Variants in AP3B1 observed in about 807,000 individuals in gnomAD.
AP3B1 encodes the protein AP-3 complex subunit beta-1.
AP3B1 carries 61 observed loss-of-function variants against 132.5 expected under a neutral mutation model. The ratio of observed to expected loss-of-function variants is 0.46; its 90% CI spans 0.37 to 0.57. The LOEUF (loss-of-function observed/expected upper bound fraction) is 0.57. Among genes scored for constraint, AP3B1 ranks in the 20% least tolerant of loss-of-function variants. The pLI is 0.00. For synonymous variants in AP3B1, 388 were observed against 438.3 expected, an observed-to-expected ratio of 0.89 and a Z score of 1.43; for missense variants, 1,120 against 1,289.4, an observed-to-expected ratio of 0.87 and a Z score of 2.01.
intron 3 of AP3B1, among the ~76,000 whole-genome samples, chr5:78,233,654 A>G (rs895911612): frequency 1.2e-4 from 18 of 152,242 alleles, no homozygotes; most frequent in African/African-American, 4.1e-4. Context: ...TCAATCTGCT[A>G]TAACTTTCCA....
chr5:78,137,311 T>C (rs1259361988), intron 15 of AP3B1, among the ~76,000 whole-genome samples: 1 of 152,116 alleles, frequency 6.6e-6, no homozygotes, highest in Non-Finnish European at 1.5e-5. Context: ...CCTAGCTGTG[T>C]TTCTCTGAAT....
chr5:78,219,859 A>G (rs1240201772), intron 6 of AP3B1, among the ~76,000 whole-genome samples: 1 of 152,172 alleles, frequency 6.6e-6, no homozygotes. Context: ...TAATAGATCA[A>G]CATCTTTCAA....
intron 11 of AP3B1, among the ~76,000 whole-genome samples, chr5:78,169,747 TTA>T (rs1199895153): frequency 2.0e-5 from 3 of 151,512 alleles, no homozygotes; most frequent in Non-Finnish European, 4.4e-5. Context: ...ATTTATTTAT[TTA>T]TTTATTTATT....
At chr5:78,237,013 A>G (rs1423659635) in intron 3 of AP3B1, among the ~76,000 whole-genome samples, 1 of 152,244 alleles carries the variant, frequency 6.6e-6, no homozygotes, top group African/African-American at 2.4e-5. Flanking sequence ...AGAAATCTAC[A>G]AAGAAAGTAT....
intron 7 of AP3B1, among the ~76,000 whole-genome samples, chr5:78,215,035 TCAA>T (rs929551601): frequency 2.0e-5 from 3 of 152,106 alleles, no homozygotes; most frequent in African/African-American, 7.2e-5. Flanking sequence ...AAAATAGTGA[TCAA>T]CATTTTATAA....
intron 1 of AP3B1, among the ~76,000 whole-genome samples, chr5:78,281,459 A>G (rs1749054052): frequency 6.8e-6 from 1 of 146,572 alleles, no homozygotes; most frequent in South Asian, 2.2e-4. Context: ...AAAAAAAAAC[A>G]GTTCTCATCT....
At chr5:78,128,427 T>C (rs1752555277) in intron 16 of AP3B1, among the ~76,000 whole-genome samples, 1 of 152,118 alleles carries the variant, frequency 6.6e-6, no homozygotes. Context: ...TACTTTACTG[T>C]GAATATTAAG....
chr5:78,171,361 C>T (rs1743907292), intron 11 of AP3B1, among the ~76,000 whole-genome samples: 1 of 152,150 alleles, frequency 6.6e-6, no homozygotes, highest in African/African-American at 2.4e-5. Flanking sequence ...TCTTCCTATC[C>T]ATGAGCGTGA....
chr5:78,199,095 TCCC>T (rs940645507), intron 7 of AP3B1, among the ~76,000 whole-genome samples: 20 of 152,196 alleles, frequency 1.3e-4, no homozygotes, highest in African/African-American at 4.6e-4. Context: ...ACACTGAATC[TCCC>T]CCAATACATC....
chr5:78,048,521 G>T (rs972941419), intron 22 of AP3B1, among the ~76,000 whole-genome samples: 1 of 152,016 alleles, frequency 6.6e-6, no homozygotes, highest in East Asian at 1.9e-4. Flanking sequence ...TAGGATTTTT[G>T]GATTTGGTAC....
chr5:78,239,860 G>C (rs929612134), intron 3 of AP3B1, among the ~76,000 whole-genome samples: 1 of 151,024 alleles, frequency 6.6e-6, no homozygotes, highest in Non-Finnish European at 1.5e-5. Context: ...ATCACATTTA[G>C]TTAAGTAATA....
chr5:78,092,870 G>A (rs1405810565), intron 21 of AP3B1, among the ~76,000 whole-genome samples: 3 of 151,922 alleles, frequency 2.0e-5, no homozygotes, highest in African/African-American at 4.8e-5. Flanking sequence ...GGCTGGTCTC[G>A]AACTCCCAAC....
At chr5:78,019,854 T>C (rs1406058720) in intron 25 of AP3B1, among the ~76,000 whole-genome samples, 2 of 152,216 alleles carry the variant, frequency 1.3e-5, no homozygotes, top group South Asian at 2.1e-4. Context: ...TTGATGGGTA[T>C]GATTTACTAC....
intron 22 of AP3B1, among the ~76,000 whole-genome samples, chr5:78,078,474 A>G (rs1749852709): frequency 1.3e-5 from 2 of 152,208 alleles, no homozygotes; most frequent in Admixed American, 1.3e-4. Flanking sequence ...CCCCCAAAAC[A>G]TACATTTTGT....
intron 23 of AP3B1, among the ~76,000 whole-genome samples, chr5:78,036,470 A>T (rs566784010): frequency 2.2e-4 from 33 of 152,278 alleles, no homozygotes; most frequent in African/African-American, 7.9e-4. Flanking sequence ...GATGCCATTT[A>T]CTTTGATGTA....
intron 7 of AP3B1, among the ~76,000 whole-genome samples, chr5:78,196,886 T>C (rs1413264708): frequency 6.6e-6 from 1 of 152,142 alleles, no homozygotes; most frequent in Non-Finnish European, 1.5e-5. Context: ...GATGAACAAG[T>C]AGAGCATAGA....
chr5:78,244,456 G>C (rs1747286919), intron 2 of AP3B1, among the ~76,000 whole-genome samples: 1 of 152,060 alleles, frequency 6.6e-6, no homozygotes, highest in African/African-American at 2.4e-5. Flanking sequence ...TGACTAACTG[G>C]AGAAATGGAA....
chr5:78,221,066 A>G lies in AP3B1; in HGVS notation c.603+4476T>C, dbSNP rs183673676. Reference sequence around the variant, plus strand: ...CCCTTCTTTTTTAGGCAGAAAAGAAAAGAAGAGAGAAAAATTTAGGCTGCT... The same window carrying G: ...CCCTTCTTTTTTAGGCAGAAAAGAAGAGAAGAGAGAAAAATTTAGGCTGCT... On this transcript the variant is annotated intron_variant, in intron 6 of 26. Coordinates refer to ENST00000255194, the MANE Select transcript of AP3B1 (RefSeq NM_003664.5). 1.1e-4 allele frequency among the ~76,000 whole-genome samples: 16 copies of G among 152,278 alleles called. 1 individual carries two copies. The highest frequency in any genetic ancestry group is 8.5e-4 in the Admixed American group (13 of 15,290).
At chr5:78,118,889 C>G (rs1462395773) in intron 17 of AP3B1, among the ~76,000 whole-genome samples, 1 of 152,226 alleles carries the variant, frequency 6.6e-6, no homozygotes, top group Non-Finnish European at 1.5e-5. Flanking sequence ...AAGTGGGTCC[C>G]TGACCCCCAA....
Sources: allele counts gnomAD v4.1 joint callset (sites outside exome capture counted in the v4.1 genomes callset), GRCh38; gene constraint gnomAD v4.1.1; transcripts MANE v1.5; gene names NCBI Gene and HGNC (gene_info 2026-07-23, HGNC 2026-07-21).